Variants in IL2RA observed in about 807,000 individuals in gnomAD.
IL2RA encodes interleukin 2 receptor subunit alpha.
Under a neutral mutation model 37.8 loss-of-function variants are expected in IL2RA, and 24 were observed. The observed-to-expected ratio is 0.63, with a 90% CI of 0.46 to 0.89. The LOEUF is 0.89. IL2RA is among the 40% of genes least tolerant of loss of function. IL2RA has a pLI of 0.00. For synonymous variants in IL2RA, 125 were observed against 114.6 expected, an observed-to-expected ratio of 1.09 and a Z score of -0.58; for missense variants, 319 against 348.6, an observed-to-expected ratio of 0.92 and a Z score of 0.68.
At chr10:6,017,264 G>T (rs985481984) in intron 7 of IL2RA, 1 of 152,340 alleles carries the variant, frequency 6.6e-6, no homozygotes, top group African/African-American at 2.4e-5. Flanking sequence ...AGGGGATGCC[G>T]GTGTGAGCTT....
chr10:6,021,634 C>A lies in IL2RA; in HGVS notation c.427G>T (p.Val143Leu), dbSNP rs886047082. 1 of 1,614,120 alleles carries A rather than the reference C, an allele frequency of 6.2e-7. No homozygotes were observed. Among genetic ancestry groups the A allele is most frequent in the Non-Finnish European group, 8.5e-7 (1 of 1,180,004 alleles). The change falls in exon 4 of 8, where the codon GTG becomes TTG. Residue 143 changes from valine (V) to leucine (L), a missense_variant. Transcript: ENST00000379959. The surrounding 1 kb of genome is among the most constrained non-coding windows in gnomAD (Gnocchi z 4.9). The stretch of plus-strand genomic sequence containing the variant: ...TGATAATAAACCATCTGCCCCACCA[C>A]GAAATGATAAATTCTCTCTGTGGCT... ...NEATERIYHF[V>L]VGQMVYYQCV...
chr10:6,025,481 C>A lies in IL2RA; in HGVS notation c.256+353G>T, dbSNP rs774461008. On this transcript the variant is annotated intron_variant, in intron 2 of 7. Coordinates refer to ENST00000379959, the MANE Select transcript of IL2RA (RefSeq NM_000417.3). This position sits in a 1 kb window ranked among gnomAD's most constrained non-coding sequence, Gnocchi z 4.4. ...GACCAGCCTGGCCAACATGGTGAAA[C>A]CCCATCTCTACTAAAAATGCAAAAA... 1.3e-5 allele frequency among the ~76,000 whole-genome samples: 2 copies of A among 151,832 alleles called. No individual in the cohort carries two copies. The highest frequency in any genetic ancestry group is 4.8e-5 in the African/African-American group (2 of 41,326).
chr10:6,049,847 A>G (rs1564551886), intron 1 of IL2RA, among the ~76,000 whole-genome samples: 2 of 152,188 alleles, frequency 1.3e-5, no homozygotes, highest in South Asian at 4.1e-4. Flanking sequence ...CATTCTCTCA[A>G]GACGCTTTTC....
intron 2 of IL2RA, among the ~76,000 whole-genome samples, chr10:6,024,833 C>G (rs1839454855): frequency 6.6e-6 from 1 of 152,174 alleles, no homozygotes; most frequent in Non-Finnish European, 1.5e-5. Context: ...AACACAATGA[C>G]AAGGAAACTT....
At chr10:6,031,497 T>C (rs1198394978) in intron 1 of IL2RA, among the ~76,000 whole-genome samples, 6 of 72,088 alleles carry the variant, frequency 8.3e-5, no homozygotes, top group East Asian at 6.9e-4. Flanking sequence ...TATATATGTA[T>C]ATATATATAT....
In IL2RA at chr10:6,028,356, GAGA is replaced by G. The variant is rs1288527428; in HGVS notation, c.65-2334_65-2332del. Among the ~76,000 whole-genome samples, 2 of 152,210 alleles carry G rather than the reference GAGA, an allele frequency of 1.3e-5. No individual in the cohort carries two copies. Among genetic ancestry groups the G allele is most frequent in the Admixed American group, 6.5e-5 (1 of 15,288 alleles). On this transcript the variant is annotated intron_variant, in intron 1 of 7. Coordinates refer to ENST00000379959, the MANE Select transcript of IL2RA (RefSeq NM_000417.3). This position sits in a 1 kb window ranked among gnomAD's most constrained non-coding sequence, Gnocchi z 4.1. ...CCTGATTGTCCATTGTGAGGGCTGAGAGAAGAAGAGTTATGCTAAGTTTTATTT... is the reference window on the plus strand; with the variant it reads ...CCTGATTGTCCATTGTGAGGGCTGAGAGAAGAGTTATGCTAAGTTTTATTT...
chr10:6,062,210 C>T lies in IL2RA; in HGVS notation c.-59G>A. On this transcript the variant is annotated 5_prime_UTR_variant, in exon 1 of 8. Coordinates refer to ENST00000379959, the MANE Select transcript of IL2RA (RefSeq NM_000417.3). The stretch of plus-strand genomic sequence containing the variant: ...AGCGGAGGTCTTTCTCTGCAGAAGG[C>T]CCAGTTGCCGTCAGCCTCTTTTTGG... 1.4e-6 allele frequency: 2 copies of T among 1,450,870 alleles called. No individual in the cohort carries two copies. Among genetic ancestry groups the T allele is most frequent in the East Asian group, 4.6e-5 (2 of 43,942 alleles). 89.9% of individuals were successfully genotyped at this position (1,450,870 alleles called of 1,614,324 possible).
Position 6,012,577 on chromosome 10 carries a change from C to G in IL2RA, c.*295G>C. On this transcript the variant is annotated 3_prime_UTR_variant, in exon 8 of 8. Transcript: ENST00000379959. The surrounding 1 kb of genome is among the most constrained non-coding windows in gnomAD (Gnocchi z 4.8). Reference sequence around the variant, plus strand: ...TCCATACCATTCATGCTTTAATGAACACATATACATGAAAATAAGATGGAG... The same window carrying G: ...TCCATACCATTCATGCTTTAATGAAGACATATACATGAAAATAAGATGGAG... The G allele has an allele frequency of 3.8e-6, 2 of 526,000 alleles. No individual in the cohort carries two copies. The highest frequency in any genetic ancestry group is 4.3e-5 in the South Asian group (2 of 46,238). 32.6% of individuals were successfully genotyped at this position (526,000 alleles called of 1,614,324 possible).
At chr10:6,026,141 C>A in intron 1 of IL2RA, 116 bp from the exon 2 acceptor site, 1 of 1,108,872 alleles carries the variant, frequency 9.0e-7, no homozygotes, top group Non-Finnish European at 1.3e-6. Flanking sequence ...AGATGGTATG[C>A]CCTACTTTTT....
intron 1 of IL2RA, among the ~76,000 whole-genome samples, chr10:6,041,309 G>T (rs1313082581): frequency 3.9e-5 from 6 of 151,946 alleles, no homozygotes; most frequent in African/African-American, 9.7e-5. Flanking sequence ...TAGAGACGGG[G>T]TTTCACTGTG....
intron 1 of IL2RA, among the ~76,000 whole-genome samples, chr10:6,037,868 A>G (rs1217689499): frequency 6.6e-6 from 1 of 152,216 alleles, no homozygotes; most frequent in Non-Finnish European, 1.5e-5. Flanking sequence ...GCCAGAGGCT[A>G]TCTTTGATAG....
In IL2RA at chr10:6,046,512, C is replaced by T. The variant is rs540887405; in HGVS notation, c.64+15576G>A. 2.5e-4 allele frequency among the ~76,000 whole-genome samples: 38 copies of T among 152,274 alleles called. No individual in the cohort carries two copies. The highest frequency in any genetic ancestry group is 8.7e-4 in the African/African-American group (36 of 41,560). On this transcript the variant is annotated intron_variant, in intron 1 of 7. Coordinates refer to ENST00000379959, the MANE Select transcript of IL2RA (RefSeq NM_000417.3). This position sits in a 1 kb window ranked among gnomAD's most constrained non-coding sequence, Gnocchi z 4.8. ...GCAGAGAGCTTACGGTTGTAGGTTA[C>T]GTGGTACCAAAAGCCCATGCCTGTG...
Position 6,029,195 on chromosome 10 carries a change from G to T in IL2RA, c.65-3170C>A, listed in dbSNP as rs527986860. Among the ~76,000 whole-genome samples the T allele has an allele frequency of 6.8e-6, 1 of 147,522 alleles. No individual in the cohort carries two copies. Among genetic ancestry groups the T allele is most frequent in the Non-Finnish European group, 1.5e-5 (1 of 67,084 alleles). On this transcript the variant is annotated intron_variant, in intron 1 of 7. Transcript: ENST00000379959. This position sits in a 1 kb window ranked among gnomAD's most constrained non-coding sequence, Gnocchi z 4.6. The stretch of plus-strand genomic sequence containing the variant: ...TTATTTATTTTTGAGACAGAGTTTC[G>T]CTCTTGTTGCCCAGGCTGGAGTGCA...
intron 7 of IL2RA, among the ~76,000 whole-genome samples, chr10:6,017,487 T>C (rs954070055): frequency 1.3e-5 from 2 of 152,104 alleles, no homozygotes; most frequent in African/African-American, 2.4e-5. Context: ...TCAATAATGT[T>C]TATAAAACAA....
chr10:6,037,054 C>T (rs11597237), intron 1 of IL2RA, among the ~76,000 whole-genome samples: 20,648 of 152,120 alleles, frequency 0.14, 1,548 homozygotes, highest in Non-Finnish European at 0.17. Flanking sequence ...CTCTCTGCCC[C>T]CTCTCCATCT....
Position 6,056,425 on chromosome 10 carries a change from C to T in IL2RA, c.64+5663G>A, listed in dbSNP as rs1840045601. 6.6e-6 allele frequency among the ~76,000 whole-genome samples: 1 copy of T among 152,184 alleles called. No individual in the cohort carries two copies. Among genetic ancestry groups the T allele is most frequent in the African/African-American group, 2.4e-5 (1 of 41,438 alleles). The stretch of plus-strand genomic sequence containing the variant: ...TGTGAACTCTTTCAGTGAAGAAGGT[C>T]TTATAACTTTTAGAAGTAATCAACT... On this transcript the variant is annotated intron_variant, in intron 1 of 7. Transcript: ENST00000379959. This position sits in a 1 kb window ranked among gnomAD's most constrained non-coding sequence, Gnocchi z 5.0.
intron 1 of IL2RA, among the ~76,000 whole-genome samples, chr10:6,030,797 G>A (rs12722543): frequency 6.6e-6 from 1 of 152,102 alleles, no homozygotes; most frequent in Non-Finnish European, 1.5e-5. Context: ...TGGTATGGTG[G>A]GTTCTGTTGA....
chr10:6,021,753 G>A lies in IL2RA; in HGVS notation c.368-60C>T. 1 of 1,420,696 alleles carries A rather than the reference G, an allele frequency of 7.0e-7. No homozygotes were observed. The highest frequency in any genetic ancestry group is 9.9e-7 in the Non-Finnish European group (1 of 1,006,930). The allele number at this position is 1,420,696 out of a possible 1,614,324, so 88.0% of individuals were successfully genotyped here. ...GGGGACAGCACCGCGAGTGAGTCCA[G>A]GTTGCCTCTTGCTAGGGACTGGACC... On this transcript the variant is annotated intron_variant, in intron 3 of 7. Coordinates refer to ENST00000379959, the MANE Select transcript of IL2RA (RefSeq NM_000417.3). This position sits in a 1 kb window ranked among gnomAD's most constrained non-coding sequence, Gnocchi z 4.9.
intron 1 of IL2RA, among the ~76,000 whole-genome samples, chr10:6,049,226 G>A (rs997010174): frequency 2.6e-5 from 4 of 152,212 alleles, no homozygotes; most frequent in African/African-American, 7.2e-5. Flanking sequence ...AGAACCAGGA[G>A]TGCAAATGTC....
Sources: allele counts gnomAD v4.1 joint callset (sites outside exome capture counted in the v4.1 genomes callset), GRCh38; gene constraint gnomAD v4.1.1; non-coding constraint Gnocchi (gnomAD v3.1); transcripts MANE v1.5; gene names NCBI Gene and HGNC (gene_info 2026-07-23, HGNC 2026-07-21).